Variants in IGF2BP3 observed in about 807,000 individuals in gnomAD.
The protein encoded by IGF2BP3 is insulin like growth factor 2 mRNA binding protein 3.
IGF2BP3 carries 9 observed loss-of-function variants against 73.8 expected under a neutral mutation model. That is an observed-to-expected ratio of 0.12 (90% CI 0.07 to 0.21). The LOEUF (loss-of-function observed/expected upper bound fraction) is 0.21, where lower values mean the gene tolerates loss of function less well. Ranked by LOEUF, IGF2BP3 falls within the 10% of genes least tolerant of loss-of-function variation. The probability of loss-of-function intolerance (pLI) is 1.00; values close to 1 mark genes in which losing one functional copy is unlikely to be tolerated. For synonymous variants in IGF2BP3, 258 were observed against 256.7 expected (o/e 1.01, Z -0.05); for missense variants, 542 against 714.0 (o/e 0.76, Z 2.75).
At chr7:23,455,781 A>G (rs1015678287) in intron 2 of IGF2BP3, among the ~76,000 whole-genome samples, 1 of 152,002 alleles carries the variant, frequency 6.6e-6, no homozygotes, top group African/African-American at 2.4e-5. Context: ...CGCCTCCCGG[A>G]TTCGAGCCAC....
chr7:23,401,848 C>A (rs1191679466), intron 3 of IGF2BP3, among the ~76,000 whole-genome samples: 1 of 152,048 alleles, frequency 6.6e-6, no homozygotes, highest in Non-Finnish European at 1.5e-5. Context: ...ACCTGTAAAG[C>A]CTGTAATCCC....
In IGF2BP3 at chr7:23,369,205, C is replaced by T. The variant is rs79416626; in HGVS notation, c.286-7464G>A. 4.5e-3 allele frequency among the ~76,000 whole-genome samples: 687 copies of T among 152,198 alleles called. 6 individuals carry two copies. The highest frequency in any genetic ancestry group is 0.015 in the African/African-American group (628 of 41,512). ...TGTAACCTGAGCCTGTCCAGATGAA[C>T]CACGCATGCAACCACAAGCAGAACC... On this transcript the variant is annotated intron_variant, in intron 3 of 14. Transcript: ENST00000258729.
chr7:23,464,734 A>G (rs968285969), intron 2 of IGF2BP3, among the ~76,000 whole-genome samples: 2 of 151,370 alleles, frequency 1.3e-5, no homozygotes, highest in Non-Finnish European at 2.9e-5. Flanking sequence ...ATAAAAATAG[A>G]AAAAATCCTA....
chr7:23,329,719 G>A (rs1167109748), intron 10 of IGF2BP3, among the ~76,000 whole-genome samples: 3 of 152,206 alleles, frequency 2.0e-5, no homozygotes, highest in Non-Finnish European at 4.4e-5. Flanking sequence ...AAGGGTGAGT[G>A]TATGCAGCAG....
At chr7:23,433,648 G>A (rs1461448894) in intron 2 of IGF2BP3, among the ~76,000 whole-genome samples, 7 of 151,946 alleles carry the variant, frequency 4.6e-5, no homozygotes, top group Non-Finnish European at 8.8e-5. Context: ...CTGGGCCTTT[G>A]TTTTACTTAA....
At chr7:23,355,437 G>T (rs965624259) in intron 5 of IGF2BP3, among the ~76,000 whole-genome samples, 4 of 151,342 alleles carry the variant, frequency 2.6e-5, no homozygotes, top group African/African-American at 7.3e-5. Context: ...CACCATGTTG[G>T]TCAGGCTGGT....
chr7:23,421,564 T>C (rs1047338238), intron 2 of IGF2BP3, among the ~76,000 whole-genome samples: 16 of 150,542 alleles, frequency 1.1e-4, no homozygotes, highest in African/African-American at 3.9e-4. Context: ...TGGTGGCACA[T>C]GCCTGTAATC....
chr7:23,384,088 T>TC (rs1786003566), intron 3 of IGF2BP3, among the ~76,000 whole-genome samples: 1 of 101,004 alleles, frequency 9.9e-6, no homozygotes, highest in South Asian at 3.1e-4. Flanking sequence ...AGAGCAAGAC[T>TC]CCATCTCAAA....
intron 3 of IGF2BP3, among the ~76,000 whole-genome samples, chr7:23,381,089 A>G (rs553918824): frequency 3.9e-5 from 6 of 152,342 alleles, no homozygotes; most frequent in African/African-American, 1.2e-4. Flanking sequence ...AACAGGCCCT[A>G]GCACAGAGCT....
rs36057757 is a variant in IGF2BP3, at chr7:23,347,707, C to G, written c.711G>C (p.Ala237=). 8.1e-6 allele frequency: 13 copies of G among 1,613,906 alleles called. No individual in the cohort carries two copies. Among genetic ancestry groups the G allele is most frequent in the Non-Finnish European group, 1.1e-5 (13 of 1,180,016 alleles). ...TAGTAATCGACTTCTCAGCAGCCCC[C>G]GCATTTTCTTTACGGTGGACATCGA... ...SKIDVHRKEN[A]GAAEKSITIL... The change falls in exon 7 of 15, where the codon GCG becomes GCC. Residue 237 remains alanine (A), a synonymous_variant. Transcript: ENST00000258729.
At chr7:23,312,637 A>G in intron 14 of IGF2BP3, 98 bp downstream of exon 14, 1 of 984,930 alleles carries the variant, frequency 1.0e-6, no homozygotes, top group Middle Eastern at 2.8e-4. Context: ...AGTCTTAAGC[A>G]TCAAACAACC....
rs1584079743 is a variant in IGF2BP3 at position 23,470,015 on chromosome 7, G to A, written c.96C>T (p.Pro32=). 6.2e-7 allele frequency: 1 copy of A among 1,612,952 alleles called. No homozygotes were observed. The highest frequency in any genetic ancestry group is 1.1e-5 in the South Asian group (1 of 91,024). The change falls in exon 1 of 15, where the codon CCC becomes CCT. Residue 32 remains proline (P), a synonymous_variant. Transcript: ENST00000258729. ...ACGCGTAGCCAGTCTTCACCAGGAAGGGTCCCGACACCGGGATCTTGGCGT... is the reference window on the plus strand; with the variant it reads ...ACGCGTAGCCAGTCTTCACCAGGAAAGGTCCCGACACCGGGATCTTGGCGT... ...FKDAKIPVSG[P]FLVKTGYAFV...
chr7:23,449,554 C>CTTTTTTT (rs376571131), intron 2 of IGF2BP3, among the ~76,000 whole-genome samples: 95 of 106,934 alleles, frequency 8.9e-4, no homozygotes, highest in Non-Finnish European at 9.9e-4. Context: ...TTTTCTTTTT[C>CTTTTTTT]TTTTTTTTTT....
At chr7:23,437,790 G>T (rs1411681851) in intron 2 of IGF2BP3, among the ~76,000 whole-genome samples, 1 of 152,104 alleles carries the variant, frequency 6.6e-6, no homozygotes, top group Non-Finnish European at 1.5e-5. Flanking sequence ...ACTCCTTATG[G>T]GTAAAGCCAT....
intron 10 of IGF2BP3, among the ~76,000 whole-genome samples, chr7:23,331,859 G>GAA (rs35506768): frequency 4.2e-5 from 4 of 95,998 alleles, no homozygotes; most frequent in Non-Finnish European, 6.3e-5. Flanking sequence ...AACTGTCTCA[G>GAA]AAAAAAAAAA....
chr7:23,363,960 C>T (rs1417605772), intron 3 of IGF2BP3, among the ~76,000 whole-genome samples: 2 of 152,222 alleles, frequency 1.3e-5, no homozygotes, highest in South Asian at 2.1e-4. Context: ...CAAGGGTGGC[C>T]GGGCACAGTG....
At chr7:23,422,040 A>T (rs927504967) in intron 2 of IGF2BP3, among the ~76,000 whole-genome samples, 60 of 152,174 alleles carry the variant, frequency 3.9e-4, no homozygotes, top group African/African-American at 1.3e-3. Flanking sequence ...TGACCTCCCC[A>T]AAGTGCTGGG....
intron 2 of IGF2BP3, among the ~76,000 whole-genome samples, chr7:23,447,561 T>C (rs1193082650): frequency 6.8e-6 from 1 of 147,738 alleles, no homozygotes; most frequent in Non-Finnish European, 1.5e-5. Flanking sequence ...GGTGCGGAGG[T>C]TGCAGCCAGC....
intron 2 of IGF2BP3, among the ~76,000 whole-genome samples, chr7:23,454,785 C>G (rs1172567372): frequency 6.6e-6 from 1 of 152,186 alleles, no homozygotes; most frequent in Non-Finnish European, 1.5e-5. Context: ...ACAGAAGTGT[C>G]TATCACATTT....
Sources: gnomAD v4.1 joint callset for allele counts (sites outside exome capture counted in the v4.1 genomes callset) on GRCh38, gnomAD v4.1.1 for gene constraint, MANE v1.5 for transcripts, NCBI Gene and HGNC (gene_info 2026-07-23, HGNC 2026-07-21) for gene names.